The following MAGI1 variants were observed in gnomAD, a reference collection of about 807,000 sequenced individuals.
The protein encoded by MAGI1 is membrane associated guanylate kinase, WW and PDZ domain containing 1.
A neutral mutation model predicts 139.9 loss-of-function variants in MAGI1; 58 were observed. The observed-to-expected ratio is 0.41, with a 90% CI of 0.34 to 0.52. The LOEUF (loss-of-function observed/expected upper bound fraction) is 0.52, where lower values mean the gene tolerates loss of function less well. Ranked by LOEUF, MAGI1 falls within the 20% of genes least tolerant of loss-of-function variation. The probability of loss-of-function intolerance (pLI) is 0.12; values close to 1 mark genes in which losing one functional copy is unlikely to be tolerated. For missense variants in MAGI1, 1,874 were observed against 1,901.6 expected (o/e 0.99, Z 0.27); for synonymous variants, 812 against 737.9 (o/e 1.10, Z -1.63).
At chr3:65,713,368 TA>T (rs1327036081) in intron 1 of MAGI1, among the ~76,000 whole-genome samples, 8 of 152,120 alleles carry the variant, frequency 5.3e-5, no homozygotes, top group African/African-American at 1.9e-4. Context: ...TGTATTTGAG[TA>T]AAAATGGTTC....
At chr3:65,989,349 C>T (rs2066043016) in intron 1 of MAGI1, among the ~76,000 whole-genome samples, 1 of 152,142 alleles carries the variant, frequency 6.6e-6, no homozygotes, top group African/African-American at 2.4e-5. Context: ...GTTCTGTACT[C>T]CATTCCCATA....
chr3:66,012,218 T>TA (rs2067358974), intron 1 of MAGI1, among the ~76,000 whole-genome samples: 3 of 152,172 alleles, frequency 2.0e-5, no homozygotes. Flanking sequence ...GTCAAACTTT[T>TA]AAGTAAACTT....
intron 1 of MAGI1, among the ~76,000 whole-genome samples, chr3:65,681,892 G>A (rs2087615471): frequency 6.6e-6 from 1 of 151,970 alleles, no homozygotes; most frequent in South Asian, 2.1e-4. Context: ...TAAAAGATGA[G>A]GTCTCGATAG....
At chr3:65,742,397 CT>C (rs1311565839) in intron 1 of MAGI1, among the ~76,000 whole-genome samples, 1 of 152,120 alleles carries the variant, frequency 6.6e-6, no homozygotes, top group East Asian at 1.9e-4. Context: ...TTAATGAATA[CT>C]TTTTTATGTA....
intron 2 of MAGI1, among the ~76,000 whole-genome samples, chr3:65,615,023 A>C (rs1325664880): frequency 7.0e-6 from 1 of 142,300 alleles, no homozygotes; most frequent in Non-Finnish European, 1.5e-5. Flanking sequence ...CTGTGTCTCC[A>C]AAAAAAAAAA....
At chr3:65,671,596 C>T (rs1412719740) in intron 1 of MAGI1, among the ~76,000 whole-genome samples, 2 of 152,200 alleles carry the variant, frequency 1.3e-5, no homozygotes, top group African/African-American at 4.8e-5. Flanking sequence ...CAAGTCTTAT[C>T]ACTGATTCAG....
At chr3:65,437,812 T>C (rs1370660260) in intron 9 of MAGI1, among the ~76,000 whole-genome samples, 1 of 152,212 alleles carries the variant, frequency 6.6e-6, no homozygotes, top group Non-Finnish European at 1.5e-5. Flanking sequence ...CCAGCTCAGC[T>C]AACATATTCA....
chr3:65,966,272 T>C (rs1041845357), intron 1 of MAGI1, among the ~76,000 whole-genome samples: 4 of 152,114 alleles, frequency 2.6e-5, no homozygotes, highest in South Asian at 2.1e-4. Flanking sequence ...GCCCTCTGAA[T>C]TGGAAATACT....
chr3:66,021,460 A>G (rs112247274), intron 1 of MAGI1, among the ~76,000 whole-genome samples: 304 of 152,310 alleles, frequency 2.0e-3, no homozygotes, highest in African/African-American at 6.4e-3. Context: ...TTGCAGCTCA[A>G]ATAACTCAAT....
chr3:65,448,857 T>C (rs1948840052), intron 6 of MAGI1, among the ~76,000 whole-genome samples: 1 of 152,058 alleles, frequency 6.6e-6, no homozygotes, highest in South Asian at 2.1e-4. Flanking sequence ...ATTTTCTTAT[T>C]GTTGAGAAGA....
chr3:65,826,489 T>C (rs576310048), intron 1 of MAGI1, among the ~76,000 whole-genome samples: 1 of 152,204 alleles, frequency 6.6e-6, no homozygotes, highest in South Asian at 2.1e-4. Context: ...CTGGGCTAAT[T>C]AAGTATGGCT....
intron 22 of MAGI1, among the ~76,000 whole-genome samples, chr3:65,357,391 A>C (rs1333925560): frequency 6.6e-6 from 1 of 152,074 alleles, no homozygotes; most frequent in Non-Finnish European, 1.5e-5. Context: ...AGAACTGACA[A>C]AAATCAGTCA....
intron 2 of MAGI1, among the ~76,000 whole-genome samples, chr3:65,546,795 C>G (rs547963920): frequency 1.1e-4 from 17 of 152,132 alleles, no homozygotes; most frequent in African/African-American, 4.1e-4. Flanking sequence ...TTAAAATTAA[C>G]TTTGAAGTTT....
At chr3:65,362,752 T>C (rs1169880693) in intron 21 of MAGI1, among the ~76,000 whole-genome samples, 1 of 152,220 alleles carries the variant, frequency 6.6e-6, no homozygotes, top group Non-Finnish European at 1.5e-5. Context: ...TTCTTTTAAT[T>C]TGTTGTAAAT....
At chr3:65,509,168 G>GTTTA (rs60284190) in intron 2 of MAGI1, among the ~76,000 whole-genome samples, 148,880 of 152,262 alleles carry the variant, frequency 0.98, 72,866 homozygotes, top group East Asian at 1. Context: ...CCTCCAATGG[G>GTTTA]TTGTTTCAAA....
chr3:65,424,980 G>A (rs1946904141), intron 12 of MAGI1, among the ~76,000 whole-genome samples: 1 of 151,698 alleles, frequency 6.6e-6, no homozygotes, highest in African/African-American at 2.4e-5. Flanking sequence ...GGAGGCTAAG[G>A]CAGGAGGTTC....
intron 1 of MAGI1, among the ~76,000 whole-genome samples, chr3:65,772,561 A>G (rs1391924005): frequency 6.6e-6 from 1 of 152,230 alleles, no homozygotes; most frequent in Non-Finnish European, 1.5e-5. Flanking sequence ...TGGGATCAGC[A>G]GCCATAAGAA....
rs765511078 is a variant in MAGI1, at chr3:65,851,841, G to A, written c.313+186155C>T. On this transcript the variant is annotated intron_variant, in intron 1 of 22. Coordinates refer to ENST00000402939, the MANE Select transcript of MAGI1 (RefSeq NM_001033057.2). ...TTTCAAAAATATACAGGCAGAAGTC[G>A]AATGTTTATGTTCAGTAATATAAAA... 2.6e-5 allele frequency among the ~76,000 whole-genome samples: 4 copies of A among 152,130 alleles called. No individual in the cohort carries two copies. The South Asian group carries it at 6.2e-4, about 24-fold the overall frequency.
At chr3:65,751,072 TTTA>T (rs1421888837) in intron 1 of MAGI1, among the ~76,000 whole-genome samples, 2 of 152,166 alleles carry the variant, frequency 1.3e-5, no homozygotes, top group Admixed American at 6.5e-5. Flanking sequence ...AGCTAATGTG[TTTA>T]TTGTGTGCAC....
Sources: gnomAD v4.1 joint callset for allele counts (sites outside exome capture counted in the v4.1 genomes callset) on GRCh38, gnomAD v4.1.1 for gene constraint, MANE v1.5 for transcripts, NCBI Gene and HGNC (gene_info 2026-07-23, HGNC 2026-07-21) for gene names.